Variants in MBD5 observed in about 807,000 individuals in gnomAD.
MBD5 encodes methyl-CpG-binding domain protein 5.
A neutral mutation model predicts 117.3 loss-of-function variants in MBD5; 13 were observed. That is an observed-to-expected ratio of 0.11 (90% CI 0.07 to 0.18). The LOEUF is 0.18. MBD5 is among the 10% of genes least tolerant of loss of function. The probability of loss-of-function intolerance (pLI) is 1.00; values close to 1 mark genes in which losing one functional copy is unlikely to be tolerated. For synonymous variants in MBD5, 727 were observed against 766.4 expected, an observed-to-expected ratio of 0.95 and a Z score of 0.85; for missense variants, 1,879 against 2,093.8, an observed-to-expected ratio of 0.90 and a Z score of 2.00.
At chr2:148,179,990 CAAGTAAAA>C (rs1457615206) in intron 2 of MBD5, among the ~76,000 whole-genome samples, 1 of 151,906 alleles carries the variant, frequency 6.6e-6, no homozygotes, top group Non-Finnish European at 1.5e-5. Context: ...CTACTTAAGC[CAAGTAAAA>C]CAGTTTACAG....
chr2:148,154,517 G>A (rs76299511), intron 1 of MBD5, among the ~76,000 whole-genome samples: 1 of 152,188 alleles, frequency 6.6e-6, no homozygotes, highest in Non-Finnish European at 1.5e-5. Context: ...AATGGTGGGC[G>A]CCCCTCCCCC....
chr2:148,022,217 A>G (rs888190725), intron 1 of MBD5, among the ~76,000 whole-genome samples: 1 of 152,012 alleles, frequency 6.6e-6, no homozygotes, highest in Non-Finnish European at 1.5e-5. Context: ...GTGTTGGAAG[A>G]CTTGATTGGT....
At chr2:148,258,356 A>C (rs1700641305) in intron 3 of MBD5, among the ~76,000 whole-genome samples, 1 of 152,190 alleles carries the variant, frequency 6.6e-6, no homozygotes, top group African/African-American at 2.4e-5. Flanking sequence ...ACTCGCTTTC[A>C]TAACCCTCAA....
At chr2:148,409,437 A>G (rs959996413) in intron 4 of MBD5, among the ~76,000 whole-genome samples, 2 of 151,388 alleles carry the variant, frequency 1.3e-5, no homozygotes, top group Non-Finnish European at 2.9e-5. Flanking sequence ...GAGAGAAAGG[A>G]AAAGGGAAGG....
At chr2:148,085,415 C>T (rs1695751470) in intron 1 of MBD5, among the ~76,000 whole-genome samples, 1 of 152,230 alleles carries the variant, frequency 6.6e-6, no homozygotes, top group Non-Finnish European at 1.5e-5. Context: ...AGAGCAATTA[C>T]TTCCAGTGCT....
At chr2:148,255,311 A>G (rs1055971407) in intron 3 of MBD5, among the ~76,000 whole-genome samples, 2 of 152,246 alleles carry the variant, frequency 1.3e-5, no homozygotes, top group African/African-American at 2.4e-5. Context: ...ATCTGTGCCA[A>G]AGTCAGAGGG....
intron 3 of MBD5, among the ~76,000 whole-genome samples, chr2:148,239,915 G>A (rs1193954502): frequency 6.6e-6 from 1 of 151,910 alleles, no homozygotes; most frequent in East Asian, 1.9e-4. Context: ...CCCATTACTG[G>A]GTATATACCC....
chr2:148,161,688 T>A (rs1163127008), intron 1 of MBD5, among the ~76,000 whole-genome samples: 1 of 152,198 alleles, frequency 6.6e-6, no homozygotes, highest in African/African-American at 2.4e-5. Flanking sequence ...ATAATTTGGA[T>A]CATACCAGGA....
chr2:148,467,266 G>T (rs1337839567), intron 7 of MBD5, among the ~76,000 whole-genome samples: 1 of 152,088 alleles, frequency 6.6e-6, no homozygotes, highest in Non-Finnish European at 1.5e-5. Context: ...ATCGTAAGGG[G>T]CTAAAAAAGC....
At chr2:148,387,811 ATGTG>A (rs1159739259) in intron 4 of MBD5, among the ~76,000 whole-genome samples, 7 of 152,128 alleles carry the variant, frequency 4.6e-5, no homozygotes, top group African/African-American at 1.7e-4. Flanking sequence ...AATAACAAAA[ATGTG>A]TGTGATCTCT....
intron 5 of MBD5, among the ~76,000 whole-genome samples, chr2:148,459,120 C>T (rs1187494327): frequency 6.6e-6 from 1 of 152,068 alleles, no homozygotes; most frequent in African/African-American, 2.4e-5. Flanking sequence ...CTAAAAGAAA[C>T]ATGCAATCAT....
intron 11 of MBD5, among the ~76,000 whole-genome samples, chr2:148,490,945 G>T (rs1009487372): frequency 1.3e-5 from 2 of 152,180 alleles, no homozygotes; most frequent in Admixed American, 1.3e-4. Flanking sequence ...AATGACTGGG[G>T]AAAAAAATCT....
At chr2:148,391,642 CT>C (rs1704575246) in intron 4 of MBD5, among the ~76,000 whole-genome samples, 1 of 152,104 alleles carries the variant, frequency 6.6e-6, no homozygotes, top group African/African-American at 2.4e-5. Context: ...GGTCATCTTC[CT>C]GATTTTAGAA....
At chr2:148,034,931 G>A (rs1694147668) in intron 1 of MBD5, among the ~76,000 whole-genome samples, 4 of 152,100 alleles carry the variant, frequency 2.6e-5, no homozygotes, top group Admixed American at 2.0e-4. Flanking sequence ...AGACATTCCT[G>A]GGTTTGAGCA....
chr2:148,402,123 T>G (rs1704942775), intron 4 of MBD5, among the ~76,000 whole-genome samples: 1 of 152,170 alleles, frequency 6.6e-6, no homozygotes, highest in African/African-American at 2.4e-5. Context: ...GCTTCTGCAC[T>G]GTAAAGTTGC....
chr2:148,299,893 T>C (rs1331980245), intron 3 of MBD5, among the ~76,000 whole-genome samples: 12 of 152,220 alleles, frequency 7.9e-5, no homozygotes, highest in Non-Finnish European at 1.5e-4. Context: ...CCATTTATAC[T>C]GGGCCAAAAA....
intron 1 of MBD5, among the ~76,000 whole-genome samples, chr2:148,064,097 A>C (rs1363291524): frequency 6.6e-6 from 1 of 151,228 alleles, no homozygotes; most frequent in African/African-American, 2.4e-5. Flanking sequence ...AATCTAAAGG[A>C]AACATACTAT....
intron 4 of MBD5, among the ~76,000 whole-genome samples, chr2:148,384,219 C>A (rs917805658): frequency 2.6e-5 from 4 of 152,160 alleles, no homozygotes; most frequent in African/African-American, 9.7e-5. Flanking sequence ...ACCCCATCGT[C>A]TCAGCCCAAA....
rs1682309779 is a variant in MBD5, at chr2:148,514,927, G to A, written c.*1986G>A. Reference sequence around the variant, plus strand: ...CCTCAAAGTAGGAACCCTTCGTTCTGGGGGTAGGTTCATTTTGTCTCTCTT... The same window carrying A: ...CCTCAAAGTAGGAACCCTTCGTTCTAGGGGTAGGTTCATTTTGTCTCTCTT... On this transcript the variant is annotated 3_prime_UTR_variant, in exon 14 of 14. Coordinates refer to ENST00000642680, the MANE Select transcript of MBD5 (RefSeq NM_001378120.1). 1 of 152,138 alleles carries A rather than the reference G, an allele frequency of 6.6e-6. No homozygotes were observed. Among genetic ancestry groups the A allele is most frequent in the East Asian group, 1.9e-4 (1 of 5,194 alleles). The allele number at this position is 152,138 out of a possible 1,614,324, so 9.4% of individuals were successfully genotyped here.
Sources: allele counts gnomAD v4.1 joint callset (sites outside exome capture counted in the v4.1 genomes callset), GRCh38; gene constraint gnomAD v4.1.1; transcripts MANE v1.5; gene names NCBI Gene and HGNC (gene_info 2026-07-23, HGNC 2026-07-21).